Variants in ANAPC15 observed in about 807,000 individuals in gnomAD.
ANAPC15 encodes anaphase promoting complex subunit 15.
A neutral mutation model predicts 19.8 loss-of-function variants in ANAPC15; 13 were observed. The observed-to-expected ratio is 0.66, with a 90% CI of 0.43 to 1.04. ANAPC15 has a LOEUF of 1.04. ANAPC15 is among the 50% of genes least tolerant of loss of function. The pLI is 0.00. For missense variants in ANAPC15, 88 were observed against 150.3 expected (o/e 0.59, Z 2.17); for synonymous variants, 45 against 50.7 (o/e 0.89, Z 0.47).
At chr11:72,109,075 C>T, downstream of ANAPC15, 1 of 672,240 alleles carries the variant, frequency 1.5e-6, no homozygotes, top group South Asian at 2.0e-5. Context: ...CTCTTTCAGC[C>T]TCTACACTGA....
downstream of ANAPC15, chr11:72,107,601 T>C (rs1565331206): frequency 2.9e-6 from 2 of 685,204 alleles, no homozygotes; most frequent in Non-Finnish European, 5.3e-6. Context: ...TACTGAGAGA[T>C]GAACCTGGAA....
chr11:72,110,396 T>G (rs974532751), intron 4 of ANAPC15, 148 bp downstream of exon 4: 31 of 1,508,860 alleles, frequency 2.1e-5, no homozygotes, highest in Non-Finnish European at 2.8e-5. Flanking sequence ...CTAGGCCCAA[T>G]GCCCACCCCT....
downstream of ANAPC15, chr11:72,108,033 G>T (rs1483313442): frequency 1.1e-5 from 17 of 1,551,550 alleles, 1 homozygote; most frequent in South Asian, 2.0e-4. Context: ...GCCCCCTGGG[G>T]GTCGCCTTCT....
At position 72,110,180 on chromosome 11, in the gene ANAPC15, T is replaced by C. The variant is rs563702951; in HGVS notation, c.226A>G (p.Ser76Gly). 6.8e-6 allele frequency: 11 copies of C among 1,614,170 alleles called. No homozygotes were observed. The highest frequency in any genetic ancestry group is 1.3e-5 in the African/African-American group (1 of 75,042). Reference protein sequence around the residue: ...EEEDDEDDEDSEEDSEDDEDM... With the variant: ...EEEDDEDDEDGEEDSEDDEDM... ...TCATCATCCTCTGAGTCCTCTTCAC[T>C]ATCCTCATCATCTTCATCATCCTCT... is the stretch of plus-strand genomic sequence containing the variant. Residue 76 changes from serine (S) to glycine (G), a missense_variant, in exon 5 of 6, where the codon AGT becomes GGT. By Grantham distance (56) the Ser-to-Gly change is moderately conservative. Transcript: ENST00000227618.
Position 72,111,199 on chromosome 11 carries a change from T to C in ANAPC15, c.78A>G (p.Glu26=). The change falls in exon 3 of 6, where the codon GAA becomes GAG. Residue 26 remains glutamate, a synonymous_variant. Transcript: ENST00000227618. ...LWFNLDRPCV[E]ETELQQQEQQ... ...GTTCCTGCTGCTGCAGCTCTGTCTC[T>C]TCCACACAGGGTCGATCCAGATTAA... The C allele has an allele frequency of 6.2e-7, 1 of 1,613,770 alleles. No homozygotes were observed. The highest frequency in any genetic ancestry group is 1.1e-5 in the South Asian group (1 of 91,072).
intron 4 of ANAPC15, 103 bp from the exon 5 acceptor site, chr11:72,110,328 C>T: frequency 6.3e-7 from 1 of 1,583,008 alleles, no homozygotes; most frequent in Admixed American, 1.7e-5. Flanking sequence ...TGACCCCCTA[C>T]CCCGACACTC....
chr11:72,109,848 G>A lies in ANAPC15; in HGVS notation c.*33C>T, dbSNP rs1946206249. The A allele has an allele frequency of 6.2e-7, 1 of 1,612,102 alleles. No homozygotes were observed. The highest frequency in any genetic ancestry group is 8.5e-7 in the Non-Finnish European group (1 of 1,179,566). ...GATGCAGGGTAGTTTGGGCTGGCCT[G>A]GAATCTCCCTGAGGCCACCCTGCCT... On this transcript the variant is annotated 3_prime_UTR_variant, in exon 6 of 6. Transcript: ENST00000227618.
chr11:72,107,277 A>G, downstream of ANAPC15: 1 of 601,544 alleles, frequency 1.7e-6, no homozygotes, highest in Non-Finnish European at 3.0e-6. Flanking sequence ...AAAAATAAAT[A>G]AATAAAAGTT....
At chr11:72,108,908 T>C (rs956628252), downstream of ANAPC15, 1 of 1,541,580 alleles carries the variant, frequency 6.5e-7, no homozygotes, top group Admixed American at 2.0e-5. Context: ...TCAGCTCACC[T>C]ATGCTGGACC....
At chr11:72,108,813 A>G (rs1435839400), downstream of ANAPC15, 2 of 1,550,552 alleles carry the variant, frequency 1.3e-6, no homozygotes, top group Non-Finnish European at 1.7e-6. Flanking sequence ...CGCTTCTTGC[A>G]GTATGCTAAG....
chr11:72,108,962 C>T, downstream of ANAPC15: 1 of 1,447,380 alleles, frequency 6.9e-7, no homozygotes, highest in South Asian at 1.4e-5. Context: ...TGCCCACCCC[C>T]ACCCCCACCC....
downstream of ANAPC15, chr11:72,108,644 T>C (rs1367987832): frequency 6.6e-7 from 1 of 1,504,062 alleles, no homozygotes; most frequent in South Asian, 1.3e-5. Context: ...CGTGATCCCG[T>C]GCCTACGCAC....
chr11:72,107,356 A>C (rs1279460255), downstream of ANAPC15: 1 of 654,204 alleles, frequency 1.5e-6, no homozygotes, highest in Admixed American at 2.3e-5. Flanking sequence ...AAATTCTAAC[A>C]GAGACCTTTC....
downstream of ANAPC15, chr11:72,107,814 C>A: frequency 1.6e-6 from 2 of 1,234,770 alleles, no homozygotes; most frequent in Non-Finnish European, 2.3e-6. Flanking sequence ...CAGATGAGAC[C>A]CCGGCTGGTT....
At chr11:72,106,992 A>C (rs57025151), downstream of ANAPC15, 17,800 of 160,542 alleles carry the variant, frequency 0.11, 1,292 homozygotes, top group East Asian at 0.23. Flanking sequence ...CTGGCTGGGC[A>C]TGGTGGCTCA....
At chr11:72,107,382 A>T (rs1201025343), downstream of ANAPC15, 1 of 682,448 alleles carries the variant, frequency 1.5e-6, no homozygotes, top group East Asian at 2.7e-5. Flanking sequence ...TCTGAAAGAT[A>T]GGGTGGTTGT....
In ANAPC15 at chr11:72,109,905, C is replaced by T; in HGVS notation, c.342G>A (p.Gln114=). ...VNEVDMEGNE[Q]DQDQWMI Reference sequence around the variant, plus strand: ...CCTAGATCATCCACTGGTCCTGATCCTGTTCGTTGCCTTCCATGTCCACCT... The same window carrying T: ...CCTAGATCATCCACTGGTCCTGATCTTGTTCGTTGCCTTCCATGTCCACCT... The change falls in exon 6 of 6, where the codon CAG becomes CAA. Residue 114 remains glutamine (Q), a synonymous_variant. Coordinates refer to ENST00000227618, the MANE Select transcript of ANAPC15 (RefSeq NM_014042.3). 6 of 1,614,076 alleles carry T rather than the reference C, an allele frequency of 3.7e-6. No individual in the cohort carries two copies. The South Asian group carries it at 6.6e-5, about 18-fold the overall frequency.
At chr11:72,110,470 G>C in intron 4 of ANAPC15, 74 bp downstream of exon 4, 1 of 1,595,740 alleles carries the variant, frequency 6.3e-7, no homozygotes, top group Non-Finnish European at 8.6e-7. Flanking sequence ...GTCAGAGACA[G>C]GACATTCAGA....
At chr11:72,107,724 G>A, downstream of ANAPC15, 1 of 627,422 alleles carries the variant, frequency 1.6e-6, no homozygotes. Flanking sequence ...AGATTTGTTG[G>A]AAAGATTCCA....
Sources: allele counts gnomAD v4.1 joint callset, GRCh38; gene constraint gnomAD v4.1.1; transcripts MANE v1.5; gene names NCBI Gene and HGNC (gene_info 2026-07-23, HGNC 2026-07-21).